Variants in OXCT1 observed in about 807,000 individuals in gnomAD.
OXCT1 encodes 3-oxoacid CoA-transferase 1, also known as succinyl-CoA:3-ketoacid coenzyme A transferase 1, mitochondrial.
OXCT1 carries 27 observed loss-of-function variants against 69.6 expected under a neutral mutation model. That is an observed-to-expected ratio of 0.39 (90% CI 0.29 to 0.54). OXCT1 has a LOEUF of 0.54. Among genes scored for constraint, OXCT1 ranks in the 20% least tolerant of loss-of-function variants. The probability of loss-of-function intolerance (pLI) is 0.72; values close to 1 mark genes in which losing one functional copy is unlikely to be tolerated. For synonymous variants in OXCT1, 202 were observed against 217.8 expected (o/e 0.93, Z 0.64); for missense variants, 437 against 650.2 (o/e 0.67, Z 3.57).
intron 3 of OXCT1, among the ~76,000 whole-genome samples, 190 bp downstream of exon 3, chr5:41,861,124 A>C (rs1749711728): frequency 6.6e-6 from 1 of 152,118 alleles, no homozygotes; most frequent in Admixed American, 6.5e-5. Context: ...TGCTTTACTT[A>C]TGAAGGATGG....
intron 5 of OXCT1, among the ~76,000 whole-genome samples, chr5:41,846,778 T>A (rs1474558349): frequency 1.3e-5 from 2 of 152,200 alleles, no homozygotes; most frequent in African/African-American, 4.8e-5. Context: ...TTTCTCCACA[T>A]CCTCTCCAGC....
chr5:41,859,889 A>ATAAT (rs1491189806), intron 3 of OXCT1, among the ~76,000 whole-genome samples: 1 of 88,656 alleles, frequency 1.1e-5, no homozygotes, highest in African/African-American at 3.5e-5. Context: ...ATATATATGT[A>ATAAT]ATATATATAT....
intron 13 of OXCT1, among the ~76,000 whole-genome samples, chr5:41,793,729 C>A (rs1190749527): frequency 2.0e-5 from 3 of 151,990 alleles, no homozygotes; most frequent in Non-Finnish European, 2.9e-5. Flanking sequence ...GTATAATTAG[C>A]CCTTTTTCTG....
chr5:41,756,037 G>A (rs1744051863), intron 14 of OXCT1, among the ~76,000 whole-genome samples: 1 of 152,028 alleles, frequency 6.6e-6, no homozygotes, highest in Non-Finnish European at 1.5e-5. Flanking sequence ...ACACTAATAA[G>A]CTTAAGGTAA....
At chr5:41,792,533 C>G (rs922556673) in intron 13 of OXCT1, among the ~76,000 whole-genome samples, 1 of 152,092 alleles carries the variant, frequency 6.6e-6, no homozygotes, top group African/African-American at 2.4e-5. Context: ...CCCGTATGGC[C>G]CTTTTCTAAA....
intron 1 of OXCT1, among the ~76,000 whole-genome samples, chr5:41,865,754 A>G (rs1238215275): frequency 1.3e-5 from 2 of 152,186 alleles, no homozygotes; most frequent in Non-Finnish European, 2.9e-5. Context: ...AAGTTTACAA[A>G]AAGATGATAA....
intron 15 of OXCT1, among the ~76,000 whole-genome samples, chr5:41,740,298 G>T (rs1743100805): frequency 6.6e-6 from 1 of 152,138 alleles, no homozygotes; most frequent in African/African-American, 2.4e-5. Flanking sequence ...AATTATAAGA[G>T]GATAGCTACC....
intron 11 of OXCT1, among the ~76,000 whole-genome samples, chr5:41,795,981 C>A (rs950806212): frequency 1.3e-5 from 2 of 152,114 alleles, no homozygotes; most frequent in Admixed American, 1.3e-4. Flanking sequence ...TCTCTCTCCC[C>A]TTTTCTTTCT....
intron 13 of OXCT1, among the ~76,000 whole-genome samples, chr5:41,781,264 G>T (rs1418226490): frequency 6.6e-6 from 1 of 151,968 alleles, no homozygotes; most frequent in Non-Finnish European, 1.5e-5. Context: ...GTACAGGAAA[G>T]GACTGTATTG....
At position 41,807,414 on chromosome 5, in the gene OXCT1, C is replaced by G. The variant is rs1380284826; in HGVS notation, c.757G>C (p.Ala253Pro). Residue 253 changes from alanine (A) to proline (P), a missense_variant, in exon 8 of 17, where the codon GCA becomes CCA. Physicochemically the swap from Ala to Pro is conservative, Grantham distance 27. Coordinates refer to ENST00000196371, the MANE Select transcript of OXCT1 (RefSeq NM_000436.4). ...ATATGGATGTCTTCTGGAGCAAATG[C>G]TCCAATATCCACAATTTCTTCAACC... ...VEVEEIVDIG[A>P]FAPEDIHIPQ... The G allele has an allele frequency of 6.2e-7, 1 of 1,601,010 alleles. No individual in the cohort carries two copies. Among genetic ancestry groups the G allele is most frequent in the Non-Finnish European group, 8.6e-7 (1 of 1,168,832 alleles).
chr5:41,841,639 A>G (rs1748630654), intron 6 of OXCT1, among the ~76,000 whole-genome samples: 1 of 152,222 alleles, frequency 6.6e-6, no homozygotes, highest in Non-Finnish European at 1.5e-5. Flanking sequence ...TGCAGCGCAG[A>G]ATAAACATGG....
At chr5:41,803,428 T>C (rs146225723) in intron 9 of OXCT1, among the ~76,000 whole-genome samples, 3 of 152,214 alleles carry the variant, frequency 2.0e-5, no homozygotes, top group African/African-American at 7.2e-5. Flanking sequence ...TTAACAAAAA[T>C]GTAAGCACAT....
intron 5 of OXCT1, among the ~76,000 whole-genome samples, chr5:41,845,180 CTG>C (rs1748837727): frequency 3.3e-5 from 5 of 152,298 alleles, no homozygotes; most frequent in Admixed American, 3.3e-4. Flanking sequence ...CACGGCAAGC[CTG>C]TAGCTGCCTC....
intron 13 of OXCT1, among the ~76,000 whole-genome samples, chr5:41,768,727 T>G (rs999468074): frequency 1.3e-5 from 2 of 152,190 alleles, no homozygotes; most frequent in East Asian, 3.8e-4. Flanking sequence ...TATAGTAGTC[T>G]CCTTACTGGT....
intron 13 of OXCT1, among the ~76,000 whole-genome samples, chr5:41,769,260 C>T (rs769145095): frequency 6.6e-5 from 10 of 152,136 alleles, no homozygotes; most frequent in Non-Finnish European, 1.2e-4. Flanking sequence ...CACCTCCCTT[C>T]TCTCTAACCA....
chr5:41,793,851 G>A, intron 13 of OXCT1, 152 bp downstream of exon 13: 6 of 640,822 alleles, frequency 9.4e-6, no homozygotes, highest in South Asian at 7.8e-5. Context: ...ATACTTCTCA[G>A]TGCTTACTTA....
intron 14 of OXCT1, among the ~76,000 whole-genome samples, chr5:41,752,500 CCCAGCACTTT>C (rs1743841361): frequency 6.6e-6 from 1 of 152,008 alleles, no homozygotes; most frequent in Non-Finnish European, 1.5e-5. Context: ...CACCTGTAAT[CCCAGCACTTT>C]GGGAAGCTGA....
intron 13 of OXCT1, among the ~76,000 whole-genome samples, chr5:41,789,529 T>G (rs1561077908): frequency 6.6e-6 from 1 of 152,158 alleles, no homozygotes; most frequent in Non-Finnish European, 1.5e-5. Flanking sequence ...ATTTTACCAA[T>G]GAATATACTA....
chr5:41,766,485 TAAAG>T (rs1744605188), intron 13 of OXCT1, among the ~76,000 whole-genome samples: 1 of 149,476 alleles, frequency 6.7e-6, no homozygotes, highest in Non-Finnish European at 1.5e-5. Context: ...ACTAGAATTT[TAAAG>T]AAAGTAAGAG....
Sources: allele counts gnomAD v4.1 joint callset (sites outside exome capture counted in the v4.1 genomes callset), GRCh38; gene constraint gnomAD v4.1.1; transcripts MANE v1.5; gene names NCBI Gene and HGNC (gene_info 2026-07-23, HGNC 2026-07-21).